POTEE: variants seen among roughly 807,000 people sequenced by gnomAD.
The protein encoded by POTEE is ANKRD26-like family C member 1A.
POTEE carries 21 observed loss-of-function variants against 74.2 expected under a neutral mutation model. The ratio of observed to expected loss-of-function variants is 0.28; its 90% CI spans 0.20 to 0.41. POTEE has a LOEUF of 0.41. Ranked by LOEUF, POTEE falls within the 10% of genes least tolerant of loss-of-function variation. The probability of loss-of-function intolerance (pLI) is 1.00; values close to 1 mark genes in which losing one functional copy is unlikely to be tolerated. For missense variants in POTEE, 525 were observed against 1,158.6 expected, an observed-to-expected ratio of 0.45 and a Z score of 7.94; for synonymous variants, 211 against 432.8, an observed-to-expected ratio of 0.49 and a Z score of 6.36.
At chr2:131,211,867 C>CT (rs1162700940) in intron 2 of POTEE, among the ~76,000 whole-genome samples, 29 of 149,584 alleles carry the variant, frequency 1.9e-4, no homozygotes, top group Non-Finnish European at 1.0e-4. Context: ...TTTTTTCCTT[C>CT]TTTTTTGTTG....
At chr2:131,263,055 G>A (rs2105142599) in intron 17 of POTEE, among the ~76,000 whole-genome samples, 1 of 150,270 alleles carries the variant, frequency 6.7e-6, no homozygotes, top group East Asian at 2.0e-4. Context: ...TTAATTCTGG[G>A]ATTCTTAAAA....
chr2:131,216,576 GTA>G (rs1700446400), intron 2 of POTEE, among the ~76,000 whole-genome samples: 2 of 151,578 alleles, frequency 1.3e-5, no homozygotes, highest in African/African-American at 4.9e-5. Context: ...TCACTCCTAT[GTA>G]TACACCAAAA....
At chr2:131,238,262 T>C (rs778752782) in intron 11 of POTEE, 24 bp downstream of exon 11, 4 of 1,559,752 alleles carry the variant, frequency 2.6e-6, no homozygotes, top group Non-Finnish European at 3.5e-6. Flanking sequence ...TTCAAATGTT[T>C]CTGTTGAATT....
intron 2 of POTEE, among the ~76,000 whole-genome samples, chr2:131,216,304 A>G (rs1041863746): frequency 2.4e-4 from 37 of 152,316 alleles, no homozygotes; most frequent in Admixed American, 2.4e-3. Flanking sequence ...GTCAAATTCC[A>G]ATGTCATTCT....
chr2:131,215,257 GTAAA>G (rs1341908544), intron 2 of POTEE, among the ~76,000 whole-genome samples: 12 of 151,982 alleles, frequency 7.9e-5, no homozygotes, highest in African/African-American at 2.2e-4. Context: ...TTTTTTCTAT[GTAAA>G]TAAATATAAT....
chr2:131,262,959 T>A (rs2105142370), intron 17 of POTEE, among the ~76,000 whole-genome samples: 1 of 152,066 alleles, frequency 6.6e-6, no homozygotes, highest in Admixed American at 6.5e-5. Context: ...GATATCAGAG[T>A]GTAAACCTAA....
intron 9 of POTEE, among the ~76,000 whole-genome samples, chr2:131,235,214 G>T (rs1274365559): frequency 6.7e-6 from 1 of 149,504 alleles, no homozygotes; most frequent in Non-Finnish European, 1.5e-5. Flanking sequence ...AGCCATCCCT[G>T]ACATGCTTTA....
At chr2:131,219,478 C>G (rs779090895) in intron 4 of POTEE, among the ~76,000 whole-genome samples, 2 of 152,032 alleles carry the variant, frequency 1.3e-5, no homozygotes, top group Non-Finnish European at 1.5e-5. Flanking sequence ...CGGTGGCTCA[C>G]GCCTGTAATC....
intron 1 of POTEE, among the ~76,000 whole-genome samples, chr2:131,210,604 C>T (rs1270337479): frequency 6.6e-6 from 1 of 151,946 alleles, no homozygotes; most frequent in Non-Finnish European, 1.5e-5. Context: ...CTGCGGTTCT[C>T]CGGCCTGCAC....
Position 131,223,645 on chromosome 2 carries a change from C to T in POTEE, c.571C>T (p.Leu191Phe), listed in dbSNP as rs1294007117. The change falls in exon 5 of 18, where the codon CTC becomes TTC. Residue 191 changes from leucine (L) to phenylalanine (F), a missense_variant. Leu to Phe is a conservative substitution (Grantham distance 22). Transcript: ENST00000683005. Reference sequence around the variant, plus strand: ...CAATGGGAATTCAGAAGTAGTAAAACTCCTGCTGGACAGACGATGTCAACT... The same window carrying T: ...CAATGGGAATTCAGAAGTAGTAAAATTCCTGCTGGACAGACGATGTCAACT... ...SANGNSEVVK[L>F]LLDRRCQLNV... is the part of the protein sequence containing the mutation. The T allele has an allele frequency of 1.2e-6, 2 of 1,612,092 alleles. No individual in the cohort carries two copies. The highest frequency in any genetic ancestry group is 2.2e-5 in the East Asian group (1 of 44,846).
intron 17 of POTEE, among the ~76,000 whole-genome samples, chr2:131,263,054 G>A (rs1359163360): frequency 6.7e-6 from 1 of 149,492 alleles, no homozygotes; most frequent in African/African-American, 2.5e-5. Flanking sequence ...TTTAATTCTG[G>A]GATTCTTAAA....
chr2:131,210,113 G>A (rs897456128), intron 1 of POTEE, among the ~76,000 whole-genome samples: 1 of 147,274 alleles, frequency 6.8e-6, no homozygotes, highest in African/African-American at 2.6e-5. Flanking sequence ...GCAGGGAGTG[G>A]TTTGGGTGGT....
intron 13 of POTEE, among the ~76,000 whole-genome samples, chr2:131,245,918 C>T (rs1485130643): frequency 1.7e-5 from 1 of 58,098 alleles, no homozygotes; most frequent in African/African-American, 4.7e-5. Flanking sequence ...TAAGGAGTGG[C>T]TGTAAATACA....
intron 6 of POTEE, among the ~76,000 whole-genome samples, chr2:131,225,382 A>T (rs1410824293): frequency 1.3e-5 from 1 of 77,208 alleles, no homozygotes; most frequent in Non-Finnish European, 2.8e-5. Flanking sequence ...TGTCTCTAAC[A>T]ACAACAACAA....
Position 131,226,808 on chromosome 2 carries a change from T to C in POTEE, c.811-15T>C, listed in dbSNP as rs1417767830. The C allele has an allele frequency of 6.2e-7, 1 of 1,611,508 alleles. No individual in the cohort carries two copies. The highest frequency in any genetic ancestry group is 2.2e-5 in the East Asian group (1 of 44,872). ...TTTTGAATTACATAGGTTTTTGCTT[T>C]ATATTGTTTTACAGCATGGCCTCAC... On this transcript the variant is annotated splice_polypyrimidine_tract_variant and intron_variant, in intron 6 of 17. Transcript: ENST00000683005.
chr2:131,263,825 C>G lies in POTEE; in HGVS notation c.2370C>G (p.Phe790Leu). 1.9e-6 allele frequency: 3 copies of G among 1,614,126 alleles called. No individual in the cohort carries two copies. Among genetic ancestry groups the G allele is most frequent in the Non-Finnish European group, 8.5e-7 (1 of 1,180,036 alleles). ...DDMEKIWHHT[F>L]YNELRVAPEE... is the part of the protein sequence containing the mutation. ...TGGAGAAGATCTGGCACCACACCTT[C>G]TACAACGAGCTGCGTGTGGCTCCCG... Residue 790 changes from phenylalanine (F) to leucine (L), a missense_variant, in exon 18 of 18, where the codon TTC becomes TTG. Transcript: ENST00000683005.
chr2:131,233,195 G>A (rs1292082992), intron 9 of POTEE, among the ~76,000 whole-genome samples: 1 of 152,070 alleles, frequency 6.6e-6, no homozygotes, highest in Non-Finnish European at 1.5e-5. Flanking sequence ...TTCTGGTTAT[G>A]GTGTAAAACG....
chr2:131,209,981 T>G (rs1320353721), intron 1 of POTEE, among the ~76,000 whole-genome samples, 162 bp downstream of exon 1: 1 of 109,892 alleles, frequency 9.1e-6, no homozygotes. Context: ...TGGCTGGCTG[T>G]CCGGGGCTAC....
At chr2:131,230,252 G>T (rs534925320) in intron 8 of POTEE, among the ~76,000 whole-genome samples, 1 of 152,134 alleles carries the variant, frequency 6.6e-6, no homozygotes, top group African/African-American at 2.4e-5. Flanking sequence ...CAACTAAGAA[G>T]CAAAATTAGG....
Sources: allele counts gnomAD v4.1 joint callset (sites outside exome capture counted in the v4.1 genomes callset), GRCh38; gene constraint gnomAD v4.1.1; transcripts MANE v1.5; gene names NCBI Gene and HGNC (gene_info 2026-07-23, HGNC 2026-07-21).